The following IFT140 variants were observed in gnomAD, a reference collection of about 807,000 sequenced individuals.
The protein encoded by IFT140 is intraflagellar transport 140, also known as intraflagellar transport protein 140 homolog.
In IFT140, 133 loss-of-function variants were observed where a neutral mutation model predicts 164.6. The ratio of observed to expected loss-of-function variants is 0.81; its 90% CI spans 0.70 to 0.93. The LOEUF is 0.93. Among genes scored for constraint, IFT140 ranks in the 40% least tolerant of loss-of-function variants. The pLI is 0.00. For synonymous variants in IFT140, 860 were observed against 817.3 expected (o/e 1.05, Z -0.89); for missense variants, 2,045 against 1,972.3 (o/e 1.04, Z -0.70).
chr16:1,525,884 C>T lies in IFT140; in HGVS notation c.2768+3G>A. ...GGGAAGAGGCCGCGAGGGCCGCACT[C>T]ACTAACTGAGGGCCCGGCTGCAGTC... On this transcript the variant is annotated splice_donor_region_variant and intron_variant, in intron 21 of 30. Coordinates refer to ENST00000426508, the MANE Select transcript of IFT140 (RefSeq NM_014714.4). 1 of 1,537,470 alleles carries T rather than the reference C, an allele frequency of 6.5e-7. No individual in the cohort carries two copies. Among genetic ancestry groups the T allele is most frequent in the Non-Finnish European group, 8.8e-7 (1 of 1,142,650 alleles).
intron 3 of IFT140, among the ~76,000 whole-genome samples, chr16:1,603,021 G>A (rs553606419): frequency 1.3e-5 from 2 of 152,242 alleles, no homozygotes; most frequent in African/African-American, 4.8e-5. Context: ...AGCTATTAAG[G>A]CAATGGGGCA....
At chr16:1,557,789 T>A (rs1174573409) in intron 19 of IFT140, 146 bp downstream of exon 19, 1 of 798,860 alleles carries the variant, frequency 1.3e-6, no homozygotes, top group Non-Finnish European at 2.0e-6. Flanking sequence ...CAGCATTTCA[T>A]CGAGTGGGAA....
chr16:1,562,199 A>T, intron 17 of IFT140, 83 bp from the exon 18 acceptor site: 2 of 1,219,168 alleles, frequency 1.6e-6, no homozygotes, highest in Non-Finnish European at 2.2e-6. Flanking sequence ...TTTGCTACAC[A>T]CACTGCGTCA....
chr16:1,521,195 C>T (rs1040697384), intron 26 of IFT140, among the ~76,000 whole-genome samples: 3 of 152,038 alleles, frequency 2.0e-5, no homozygotes, highest in African/African-American at 7.2e-5. Context: ...TCACGGCAGC[C>T]TCCACCTCCC....
intron 8 of IFT140, 113 bp downstream of exon 8, chr16:1,587,820 C>T (rs1192846598): frequency 3.7e-6 from 3 of 810,574 alleles, no homozygotes; most frequent in Non-Finnish European, 5.9e-6. Flanking sequence ...TATGAGAGCA[C>T]TCAGCATCAT....
Position 1,553,690 on chromosome 16 carries a change from G to T in IFT140, c.2399+4245C>A. On this transcript the variant is annotated intron_variant, in intron 19 of 30. Coordinates refer to ENST00000426508, the MANE Select transcript of IFT140 (RefSeq NM_014714.4). The surrounding 1 kb of genome is among the most constrained non-coding windows in gnomAD (Gnocchi z 4.4). ...GAAGCGGGGCTGGGGCTGAAGGCTG[G>T]CTGGAGGCCCCATGGCCTCCAGGAC... The T allele has an allele frequency of 9.4e-7, 1 of 1,065,908 alleles. No individual in the cohort carries two copies. The highest frequency in any genetic ancestry group is 1.1e-6 in the Non-Finnish European group (1 of 874,128). 66.0% of individuals were successfully genotyped at this position (1,065,908 alleles called of 1,614,324 possible).
At chr16:1,575,022 G>A (rs933407608) in intron 13 of IFT140, among the ~76,000 whole-genome samples, 4 of 152,158 alleles carry the variant, frequency 2.6e-5, no homozygotes, top group East Asian at 1.9e-4. Flanking sequence ...CCTTACTCAC[G>A]CCAGAGCCAC....
intron 15 of IFT140, among the ~76,000 whole-genome samples, chr16:1,566,970 G>A (rs541795891): frequency 1.6e-4 from 24 of 152,146 alleles, no homozygotes; most frequent in African/African-American, 5.1e-4. Flanking sequence ...CTTGAGCTCC[G>A]CCTGCAGCCC....
intron 19 of IFT140, chr16:1,541,802 A>C: frequency 1.6e-6 from 2 of 1,271,320 alleles, no homozygotes; most frequent in Non-Finnish European, 2.1e-6. Flanking sequence ...CAATGGAGGC[A>C]CAGCCTGTGC....
chr16:1,569,561 C>T (rs1461939438), intron 14 of IFT140, among the ~76,000 whole-genome samples: 2 of 149,146 alleles, frequency 1.3e-5, no homozygotes, highest in Non-Finnish European at 3.0e-5. Context: ...CCACTCCCCT[C>T]CTCTCCCTCC....
chr16:1,578,143 T>C (rs1396617452), intron 13 of IFT140: 1 of 152,090 alleles, frequency 6.6e-6, no homozygotes, highest in Non-Finnish European at 1.5e-5. Flanking sequence ...CTCCTCCCCA[T>C]GTCTTCCCTC....
intron 26 of IFT140, 62 bp from the exon 27 acceptor site, chr16:1,520,870 C>T (rs943390467): frequency 4.1e-6 from 6 of 1,460,388 alleles, no homozygotes; most frequent in Non-Finnish European, 4.7e-6. Flanking sequence ...GTGCGCCCCT[C>T]ATCTGCCACC....
chr16:1,592,291 A>T lies in IFT140; in HGVS notation c.519T>A (p.Ala173=), dbSNP rs1693979181. ...CCAGGGCTTTCTCATCACCGCTCACAGCTGCCTTTGCCAACTGAACCAGGT... is the reference window on the plus strand; with the variant it reads ...CCAGGGCTTTCTCATCACCGCTCACTGCTGCCTTTGCCAACTGAACCAGGT... ...GEDLVQLAKA[A]VSGDEKALDM... Residue 173 remains alanine (A), a synonymous_variant, in exon 6 of 31, where the codon GCT becomes GCA. Coordinates refer to ENST00000426508, the MANE Select transcript of IFT140 (RefSeq NM_014714.4). 1 of 1,614,180 alleles carries T rather than the reference A, an allele frequency of 6.2e-7. No homozygotes were observed.
In IFT140 at chr16:1,531,554, T is replaced by G. The variant is rs1262173118; in HGVS notation, c.2400-4758A>C. On this transcript the variant is annotated intron_variant, in intron 19 of 30. Transcript: ENST00000426508. The surrounding 1 kb of genome is among the most constrained non-coding windows in gnomAD (Gnocchi z 4.7). ...GGGAGAGCAGGAGGGTGTGATGCAC[T>G]GTGGGGGAAGCCCACCGCCCAGCTG... 1 of 152,168 alleles carries G rather than the reference T, an allele frequency of 6.6e-6. No homozygotes were observed. Among genetic ancestry groups the G allele is most frequent in the African/African-American group, 2.4e-5 (1 of 41,408 alleles). The allele number at this position is 152,168 out of a possible 1,614,324, so 9.4% of individuals were successfully genotyped here.
At chr16:1,563,163 C>T (rs1055855981) in intron 17 of IFT140, among the ~76,000 whole-genome samples, 2 of 152,038 alleles carry the variant, frequency 1.3e-5, no homozygotes, top group Admixed American at 1.3e-4. Context: ...CTTGAAGTGG[C>T]GCCTCGGGCA....
chr16:1,520,035 C>T lies in IFT140; in HGVS notation c.3886G>A (p.Glu1296Lys), dbSNP rs2040472455. ...TGGGCTTTGTCGTAGTTCTGGTATTCATCAATCTCCACCTGTACAGATGAA... is the reference window on the plus strand; with the variant it reads ...TGGGCTTTGTCGTAGTTCTGGTATTTATCAATCTCCACCTGTACAGATGAA... Reference protein sequence around the residue: ...YDACAQVEIDEYQNYDKAHGA... With the variant: ...YDACAQVEIDKYQNYDKAHGA... Residue 1296 changes from glutamate (E) to lysine (K), a missense_variant, in exon 29 of 31, where the codon GAA becomes AAA. By Grantham distance (56) the Glu-to-Lys change is moderately conservative. Transcript: ENST00000426508. The T allele has an allele frequency of 6.2e-7, 1 of 1,600,550 alleles. No individual in the cohort carries two copies. The highest frequency in any genetic ancestry group is 8.5e-7 in the Non-Finnish European group (1 of 1,172,946).
At chr16:1,548,118 T>C (rs2032325771) in intron 19 of IFT140, among the ~76,000 whole-genome samples, 1 of 152,198 alleles carries the variant, frequency 6.6e-6, no homozygotes, top group African/African-American at 2.4e-5. Context: ...CCTCTCCCTC[T>C]AGAGAGGATT....
At chr16:1,539,745 G>A (rs1288726154) in intron 19 of IFT140, among the ~76,000 whole-genome samples, 3 of 152,210 alleles carry the variant, frequency 2.0e-5, no homozygotes, top group African/African-American at 7.2e-5. Context: ...CGCTTCCCAT[G>A]GCCCTGTCAG....
At chr16:1,537,287 T>C (rs2141255073) in intron 19 of IFT140, among the ~76,000 whole-genome samples, 1 of 152,340 alleles carries the variant, frequency 6.6e-6, no homozygotes, top group East Asian at 1.9e-4. Flanking sequence ...CCTCGGGGTT[T>C]CCGGATGTCG....
Sources: gnomAD v4.1 joint callset for allele counts (sites outside exome capture counted in the v4.1 genomes callset) on GRCh38, gnomAD v4.1.1 for gene constraint, Gnocchi (gnomAD v3.1) non-coding constraint, MANE v1.5 for transcripts, NCBI Gene and HGNC (gene_info 2026-07-23, HGNC 2026-07-21) for gene names.